Variants in FAM168A observed in about 807,000 individuals in gnomAD.
FAM168A encodes the protein family with sequence similarity 168 member A.
In FAM168A, 3 loss-of-function variants were observed where a neutral mutation model predicts 28.5. That is an observed-to-expected ratio of 0.11 (90% CI 0.05 to 0.27). FAM168A has a LOEUF of 0.27. FAM168A is among the 10% of genes least tolerant of loss of function. The pLI, the probability that FAM168A is intolerant of heterozygous loss-of-function variation, is 1.00. For missense variants in FAM168A, 222 were observed against 311.5 expected (o/e 0.71, Z 2.16); for synonymous variants, 122 against 124.2 (o/e 0.98, Z 0.12).
chr11:73,591,733 C>T (rs1004288025), intron 1 of FAM168A, among the ~76,000 whole-genome samples: 21 of 152,248 alleles, frequency 1.4e-4, no homozygotes, highest in African/African-American at 4.6e-4. Context: ...TGGTCTTGAA[C>T]TCCTGGGCTC....
At chr11:73,478,324 A>C (rs910684353) in intron 1 of FAM168A, among the ~76,000 whole-genome samples, 2 of 152,246 alleles carry the variant, frequency 1.3e-5, no homozygotes, top group African/African-American at 4.8e-5. Flanking sequence ...AACATGAATT[A>C]ACCTTGAAAA....
At chr11:73,565,892 T>C (rs939719745) in intron 1 of FAM168A, among the ~76,000 whole-genome samples, 15 of 152,184 alleles carry the variant, frequency 9.9e-5, no homozygotes, top group African/African-American at 3.1e-4. Context: ...AGAGGAGCTC[T>C]TAATTATGGA....
chr11:73,513,500 G>A (rs1336414404), intron 1 of FAM168A, among the ~76,000 whole-genome samples: 1 of 151,832 alleles, frequency 6.6e-6, no homozygotes, highest in South Asian at 2.1e-4. Flanking sequence ...ACAGGCATGA[G>A]CACCGCGCCC....
intron 1 of FAM168A, among the ~76,000 whole-genome samples, chr11:73,483,646 T>C (rs994024299): frequency 2.0e-5 from 3 of 152,094 alleles, no homozygotes; most frequent in African/African-American, 7.2e-5. Context: ...GGAAAGAATA[T>C]AGGAAAATAT....
At position 73,402,868 on chromosome 11, in the gene FAM168A, C is replaced by G. The variant is rs1417053568; in HGVS notation, c.*3895G>C. 6.6e-6 allele frequency: 1 copy of G among 152,192 alleles called. No individual in the cohort carries two copies. Among genetic ancestry groups the G allele is most frequent in the African/African-American group, 2.4e-5 (1 of 41,436 alleles). 9.4% of individuals were successfully genotyped at this position (152,192 alleles called of 1,614,324 possible). ...CCCCAGGGCTCATTACAGGTCCTGG[C>G]CCAAAGCAGTTCATACAAATCTGCT... On this transcript the variant is annotated 3_prime_UTR_variant, in exon 8 of 8. Transcript: ENST00000356467.
intron 2 of FAM168A, among the ~76,000 whole-genome samples, chr11:73,455,493 G>C (rs1867514649): frequency 6.6e-6 from 1 of 152,160 alleles, no homozygotes; most frequent in Non-Finnish European, 1.5e-5. Context: ...TATTTATTAT[G>C]TTAGGCTTTT....
chr11:73,442,148 C>T (rs1447210037), intron 2 of FAM168A, among the ~76,000 whole-genome samples: 1 of 137,506 alleles, frequency 7.3e-6, no homozygotes, highest in South Asian at 2.3e-4. Flanking sequence ...TTTTTTGAGA[C>T]GGAGTCTCAC....
intron 2 of FAM168A, among the ~76,000 whole-genome samples, chr11:73,455,005 G>A (rs962394864): frequency 1.3e-5 from 2 of 152,206 alleles, no homozygotes; most frequent in East Asian, 1.9e-4. Flanking sequence ...GCACTCGCTG[G>A]TGGAAGGCAG....
At chr11:73,595,886 A>G (rs1944435560) in intron 1 of FAM168A, among the ~76,000 whole-genome samples, 1 of 152,250 alleles carries the variant, frequency 6.6e-6, no homozygotes, top group Non-Finnish European at 1.5e-5. Flanking sequence ...AATCTTATCA[A>G]TGTCAAAAGA....
rs574619826 is a variant in FAM168A, at chr11:73,409,750, G to A, written c.421-89C>T. On this transcript the variant is annotated intron_variant, in intron 5 of 7. Coordinates refer to ENST00000356467, the MANE Select transcript of FAM168A (RefSeq NM_015159.3). Reference sequence around the variant, plus strand: ...GCACTGGCTGAAGGACACAAGGTCCGGACCCCAGCTGGGGCTCTGCTTGTC... The same window carrying A: ...GCACTGGCTGAAGGACACAAGGTCCAGACCCCAGCTGGGGCTCTGCTTGTC... 1,061 of 1,357,902 alleles carry A rather than the reference G, an allele frequency of 7.8e-4. 1 individual carries two copies. Among genetic ancestry groups the A allele is most frequent in the Non-Finnish European group, 9.7e-4 (965 of 993,258 alleles). The allele number at this position is 1,357,902 out of a possible 1,614,324, so 84.1% of individuals were successfully genotyped here.
chr11:73,544,862 T>TATATAATTATATATATTATATATAAA lies in FAM168A; in HGVS notation c.-19+53035_-19+53060dup, dbSNP rs1565291556. On this transcript the variant is annotated intron_variant, in intron 1 of 7. Transcript: ENST00000356467. The stretch of plus-strand genomic sequence containing the variant: ...TATATATTAAATATATAATATATAA[T>TATATAATTATATATATTATATATAAA]ATATAATTATATATATTATATATAA... Among the ~76,000 whole-genome samples the TATATAATTATATATATTATATATAAA allele has an allele frequency of 7.2e-5, 7 of 96,910 alleles. 2 individuals are homozygous for TATATAATTATATATATTATATATAAA. In the South Asian group the frequency reaches 7.4e-4, roughly 10 times the overall value. 63.6% of individuals were successfully genotyped at this position (96,910 alleles called of 152,430 possible).
intron 1 of FAM168A, among the ~76,000 whole-genome samples, chr11:73,531,129 G>A (rs898972474): frequency 3.5e-4 from 53 of 152,300 alleles, no homozygotes; most frequent in African/African-American, 1.2e-3. Context: ...CTAACTCTGG[G>A]AGAGTGGGAG....
At chr11:73,515,414 CAGG>C (rs1333513760) in intron 1 of FAM168A, among the ~76,000 whole-genome samples, 1 of 150,020 alleles carries the variant, frequency 6.7e-6, no homozygotes, top group Non-Finnish European at 1.5e-5. Context: ...GAGGCTGAGG[CAGG>C]AGATCACCTG....
At chr11:73,478,451 G>A (rs894281356) in intron 1 of FAM168A, among the ~76,000 whole-genome samples, 3 of 152,090 alleles carry the variant, frequency 2.0e-5, no homozygotes, top group Admixed American at 1.3e-4. Flanking sequence ...TTGATCATCT[G>A]GGACTCAGAG....
At chr11:73,452,914 G>A (rs1370604365) in intron 2 of FAM168A, among the ~76,000 whole-genome samples, 1 of 151,936 alleles carries the variant, frequency 6.6e-6, no homozygotes, top group African/African-American at 2.4e-5. Context: ...AAAAAGTACT[G>A]AATAAATAGG....
At chr11:73,583,663 G>A (rs1944275489) in intron 1 of FAM168A, among the ~76,000 whole-genome samples, 1 of 152,208 alleles carries the variant, frequency 6.6e-6, no homozygotes, top group Non-Finnish European at 1.5e-5. Flanking sequence ...CCAATTAAGA[G>A]TAACAAAGAG....
chr11:73,544,950 A>T (rs1385126778), intron 1 of FAM168A, among the ~76,000 whole-genome samples: 9 of 91,306 alleles, frequency 9.9e-5, no homozygotes, highest in East Asian at 6.9e-4. Flanking sequence ...GTAATATATA[A>T]TATATTATAT....
chr11:73,583,698 G>A (rs1016225056), intron 1 of FAM168A, among the ~76,000 whole-genome samples: 3 of 152,186 alleles, frequency 2.0e-5, no homozygotes, highest in East Asian at 1.9e-4. Context: ...AGAACAGCAC[G>A]TGCAAAGACA....
intron 1 of FAM168A, among the ~76,000 whole-genome samples, chr11:73,516,207 G>C (rs1339292130): frequency 6.6e-6 from 1 of 151,906 alleles, no homozygotes; most frequent in African/African-American, 2.4e-5. Flanking sequence ...AATGAACTTA[G>C]AATATAATAT....
Sources: allele counts gnomAD v4.1 joint callset (sites outside exome capture counted in the v4.1 genomes callset), GRCh38; gene constraint gnomAD v4.1.1; transcripts MANE v1.5; gene names NCBI Gene and HGNC (gene_info 2026-07-23, HGNC 2026-07-21).